ILRUN: variants seen among roughly 807,000 people sequenced by gnomAD.
The protein encoded by ILRUN is protein ILRUN.
Under a neutral mutation model 33.8 loss-of-function variants are expected in ILRUN, and 3 were observed. That is an observed-to-expected ratio of 0.09 (90% CI 0.04 to 0.23). The LOEUF is 0.23. Ranked by LOEUF, ILRUN falls within the 10% of genes least tolerant of loss-of-function variation. ILRUN has a pLI of 1.00. For missense variants in ILRUN, 210 were observed against 375.1 expected (o/e 0.56, Z 3.64); for synonymous variants, 124 against 138.9 (o/e 0.89, Z 0.75).
At chr6:34,591,786 G>T (rs1761299106) in intron 4 of ILRUN, among the ~76,000 whole-genome samples, 1 of 152,058 alleles carries the variant, frequency 6.6e-6, no homozygotes. Context: ...ACCGCGCCTG[G>T]CCAATCCTGT....
intron 1 of ILRUN, among the ~76,000 whole-genome samples, chr6:34,689,211 G>A (rs763717672): frequency 3.3e-5 from 5 of 151,982 alleles, no homozygotes; most frequent in Admixed American, 6.6e-5. Flanking sequence ...CTGCACACAC[G>A]TAATCCCAAG....
At chr6:34,603,451 G>A (rs1337574808) in intron 4 of ILRUN, among the ~76,000 whole-genome samples, 2 of 152,170 alleles carry the variant, frequency 1.3e-5, no homozygotes, top group Admixed American at 6.6e-5. Flanking sequence ...CGGCTAAAAC[G>A]GTGAAACCCC....
chr6:34,650,242 C>G (rs531555864), intron 2 of ILRUN, among the ~76,000 whole-genome samples: 1 of 152,030 alleles, frequency 6.6e-6, no homozygotes, highest in South Asian at 2.1e-4. Flanking sequence ...CATTTTAACT[C>G]CCAAAGTTTC....
chr6:34,696,250 A>C, intron 1 of ILRUN, 196 bp downstream of exon 1: 1 of 556,394 alleles, frequency 1.8e-6, no homozygotes, highest in Non-Finnish European at 3.1e-6. Context: ...CGTGGTCCCT[A>C]ACTCTCCTTT....
chr6:34,659,444 T>C (rs1762843212), intron 1 of ILRUN, among the ~76,000 whole-genome samples: 1 of 152,106 alleles, frequency 6.6e-6, no homozygotes, highest in Non-Finnish European at 1.5e-5. Context: ...ACCCAGAATT[T>C]CCAATTATAT....
At chr6:34,647,590 TAA>T (rs770697311) in intron 2 of ILRUN, among the ~76,000 whole-genome samples, 51 of 152,210 alleles carry the variant, frequency 3.4e-4, no homozygotes, top group Non-Finnish European at 5.3e-4. Flanking sequence ...TGTAACTCTT[TAA>T]AGAGTCGCCT....
At chr6:34,688,218 A>G (rs941012113) in intron 1 of ILRUN, among the ~76,000 whole-genome samples, 1 of 152,090 alleles carries the variant, frequency 6.6e-6, no homozygotes, top group Non-Finnish European at 1.5e-5. Flanking sequence ...AAGCCTGGGC[A>G]ACATGGCAAA....
intron 3 of ILRUN, among the ~76,000 whole-genome samples, chr6:34,643,766 G>A (rs184749618): frequency 1.7e-4 from 26 of 152,296 alleles, no homozygotes; most frequent in Admixed American, 6.5e-4. Flanking sequence ...GCAGTGGCGC[G>A]ATCTCGGCTC....
At chr6:34,664,758 T>C (rs2127373333) in intron 1 of ILRUN, among the ~76,000 whole-genome samples, 1 of 152,312 alleles carries the variant, frequency 6.6e-6, no homozygotes, top group African/African-American at 2.4e-5. Context: ...GCTATCTTTA[T>C]AAACAAAATG....
intron 1 of ILRUN, among the ~76,000 whole-genome samples, chr6:34,682,085 G>A (rs1295764372): frequency 7.0e-6 from 1 of 143,636 alleles, no homozygotes; most frequent in South Asian, 2.2e-4. Context: ...ATGTTGGCCA[G>A]GCTGGTCTCG....
intron 3 of ILRUN, among the ~76,000 whole-genome samples, chr6:34,640,800 G>A (rs1582070121): frequency 2.0e-5 from 3 of 152,142 alleles, no homozygotes; most frequent in South Asian, 2.1e-4. Context: ...TACAGAAGCA[G>A]CCAGGCACGG....
At chr6:34,691,277 T>C (rs2744972) in intron 1 of ILRUN, among the ~76,000 whole-genome samples, 126,976 of 152,138 alleles carry the variant, frequency 0.83, 53,190 homozygotes, top group East Asian at 0.99. Flanking sequence ...AGACATTCCA[T>C]CTATAGAACA....
chr6:34,674,869 G>A (rs1265520176), intron 1 of ILRUN, among the ~76,000 whole-genome samples: 1 of 152,054 alleles, frequency 6.6e-6, no homozygotes, highest in Non-Finnish European at 1.5e-5. Flanking sequence ...CAACCAGCAT[G>A]AGCAAGTTGG....
intron 3 of ILRUN, among the ~76,000 whole-genome samples, chr6:34,644,607 T>C (rs1234800440): frequency 1.3e-5 from 2 of 152,190 alleles, no homozygotes; most frequent in Non-Finnish European, 2.9e-5. Flanking sequence ...TGATACGTGA[T>C]TATTCAATTA....
intron 2 of ILRUN, among the ~76,000 whole-genome samples, chr6:34,648,469 G>A (rs1160648574): frequency 1.3e-5 from 2 of 152,172 alleles, no homozygotes; most frequent in Non-Finnish European, 2.9e-5. Flanking sequence ...AGCAGCTAAA[G>A]CAGTGGCCAC....
chr6:34,654,607 TG>T lies in ILRUN; in HGVS notation c.313+17del, dbSNP rs1157017084. The T allele has an allele frequency of 1.9e-6, 3 of 1,586,926 alleles. No homozygotes were observed. Among genetic ancestry groups the T allele is most frequent in the Non-Finnish European group, 2.6e-6 (3 of 1,169,406 alleles). ...AAATGAAAACTAGGCAAGGGAGGAT[TG>T]CCCATTATGTACTTACCAGAATTCT... On this transcript the variant is annotated intron_variant, in intron 2 of 4. Transcript: ENST00000374023.
At chr6:34,623,469 T>C (rs1164729452) in intron 3 of ILRUN, among the ~76,000 whole-genome samples, 2 of 152,138 alleles carry the variant, frequency 1.3e-5, no homozygotes, top group Non-Finnish European at 2.9e-5. Context: ...AAACACTTCC[T>C]GGCAGAAAAG....
rs1258039317 is a variant in ILRUN at position 34,610,564 on chromosome 6, C to T, written c.512-3660G>A. 2.0e-5 allele frequency among the ~76,000 whole-genome samples: 3 copies of T among 152,330 alleles called. No homozygotes were observed. The East Asian group carries it at 5.8e-4, about 29-fold the overall frequency. On this transcript the variant is annotated intron_variant, in intron 3 of 4. Coordinates refer to ENST00000374023, the MANE Select transcript of ILRUN (RefSeq NM_024294.4). Reference sequence around the variant, plus strand: ...ACCAATCTGACACTCAAAAGAAAATCTCATTGAATCATTTCAGATTTTGAA... The same window carrying T: ...ACCAATCTGACACTCAAAAGAAAATTTCATTGAATCATTTCAGATTTTGAA...
At chr6:34,650,852 T>C (rs1762652693) in intron 2 of ILRUN, among the ~76,000 whole-genome samples, 1 of 152,202 alleles carries the variant, frequency 6.6e-6, no homozygotes, top group Non-Finnish European at 1.5e-5. Context: ...TGTGGTATAT[T>C]TGCATGCCCA....
Sources: allele counts gnomAD v4.1 joint callset (sites outside exome capture counted in the v4.1 genomes callset), GRCh38; gene constraint gnomAD v4.1.1; transcripts MANE v1.5; gene names NCBI Gene and HGNC (gene_info 2026-07-23, HGNC 2026-07-21).